ITPRID1: variants seen among roughly 807,000 people sequenced by gnomAD.
ITPRID1 encodes protein ITPRID1.
A neutral mutation model predicts 95.4 loss-of-function variants in ITPRID1; 96 were observed. The ratio of observed to expected loss-of-function variants is 1.01; its 90% CI spans 0.85 to 1.19. ITPRID1 has a LOEUF of 1.19. Among genes scored for constraint, ITPRID1 ranks in the 50% most tolerant of loss-of-function variants. ITPRID1 has a pLI of 0.00. For missense variants in ITPRID1, 1,339 were observed against 1,252.9 expected, an observed-to-expected ratio of 1.07 and a Z score of -1.04; for synonymous variants, 510 against 453.6, an observed-to-expected ratio of 1.12 and a Z score of -1.58.
intron 10 of ITPRID1, among the ~76,000 whole-genome samples, chr7:31,594,038 C>T (rs1785973647): frequency 6.6e-6 from 1 of 152,156 alleles, no homozygotes; most frequent in Admixed American, 6.5e-5. Flanking sequence ...TGGTTAATGA[C>T]AGACCACATA....
intron 4 of ITPRID1, among the ~76,000 whole-genome samples, 155 bp from the exon 5 acceptor site, chr7:31,554,703 T>C (rs556209592): frequency 6.6e-6 from 1 of 152,334 alleles, no homozygotes; most frequent in South Asian, 2.1e-4. Flanking sequence ...CAAAATAAAA[T>C]ACTACTCTAG....
chr7:31,551,608 A>C (rs1347296560), intron 2 of ITPRID1, among the ~76,000 whole-genome samples: 1 of 143,898 alleles, frequency 6.9e-6, no homozygotes, highest in Non-Finnish European at 1.6e-5. Flanking sequence ...TAGTAATTTA[A>C]AATTGCAACA....
rs149822614 is a variant in ITPRID1 at position 31,560,124 on chromosome 7, GA to G, written c.256+5225del. On this transcript the variant is annotated intron_variant, in intron 5 of 14. Transcript: ENST00000615280. ...GCTACCTGAAAGAAGTGAAGGAGGG[GA>G]ACATTTGTTATCTGGGGATGAGCTG... is the stretch of plus-strand genomic sequence containing the variant. Among the ~76,000 whole-genome samples the G allele has an allele frequency of 4.5e-4, 68 of 152,314 alleles. No homozygotes were observed. In the East Asian group the frequency reaches 0.012, roughly 27 times the overall value.
At chr7:31,565,793 G>A (rs962760896) in intron 5 of ITPRID1, among the ~76,000 whole-genome samples, 1 of 152,022 alleles carries the variant, frequency 6.6e-6, no homozygotes, top group Non-Finnish European at 1.5e-5. Context: ...TGTACATCTA[G>A]GAGGGTGAGA....
At position 31,578,267 on chromosome 7, in the gene ITPRID1, A is replaced by G. The variant is rs368169623; in HGVS notation, c.1003A>G (p.Lys335Glu). The G allele has an allele frequency of 5.6e-6, 9 of 1,613,794 alleles. No homozygotes were observed. Among genetic ancestry groups the G allele is most frequent in the Non-Finnish European group, 7.6e-6 (9 of 1,179,862 alleles). Reference sequence around the variant, plus strand: ...TTATCCTCCTCATGGTCTTCTGAGCAAGCAGTGGCCTTGCTCATCTATGCC... The same window carrying G: ...TTATCCTCCTCATGGTCTTCTGAGCGAGCAGTGGCCTTGCTCATCTATGCC... The part of the protein sequence containing the change: ...LPYPPHGLLS[K>E]QWPCSSMPAK... Residue 335 changes from lysine to glutamate, a missense_variant, in exon 9 of 15, where the codon AAG becomes GAG. Physicochemically the swap from Lys to Glu is moderately conservative, Grantham distance 56. Coordinates refer to ENST00000615280, the MANE Select transcript of ITPRID1 (RefSeq NM_001257967.3).
intron 10 of ITPRID1, among the ~76,000 whole-genome samples, chr7:31,641,615 T>C (rs1358647530): frequency 6.6e-6 from 1 of 152,202 alleles, no homozygotes; most frequent in African/African-American, 2.4e-5. Flanking sequence ...GTTTACAAAG[T>C]CATAACCTGC....
At chr7:31,581,166 G>T (rs1401764975) in intron 9 of ITPRID1, among the ~76,000 whole-genome samples, 1 of 152,138 alleles carries the variant, frequency 6.6e-6, no homozygotes, top group Non-Finnish European at 1.5e-5. Context: ...AAGAGCCAAT[G>T]TACTTAAATA....
chr7:31,537,486 A>G (rs753846139), intron 1 of ITPRID1, among the ~76,000 whole-genome samples: 23 of 152,182 alleles, frequency 1.5e-4, no homozygotes, highest in Non-Finnish European at 2.9e-4. Context: ...ACAAAAATCT[A>G]TGATTTTTTT....
chr7:31,586,642 T>A (rs938445940), intron 10 of ITPRID1, among the ~76,000 whole-genome samples: 1 of 152,242 alleles, frequency 6.6e-6, no homozygotes, highest in African/African-American at 2.4e-5. Flanking sequence ...TGTCTTCTTT[T>A]GAGAAGTGTC....
chr7:31,558,486 T>C (rs1033225099), intron 5 of ITPRID1, among the ~76,000 whole-genome samples: 4 of 152,164 alleles, frequency 2.6e-5, no homozygotes. Flanking sequence ...ACTTTTTTTT[T>C]ATGTCAGTAA....
chr7:31,630,518 A>G (rs1651402704), intron 10 of ITPRID1, among the ~76,000 whole-genome samples: 1 of 152,170 alleles, frequency 6.6e-6, no homozygotes, highest in South Asian at 2.1e-4. Context: ...TTGAACTAAT[A>G]AAGATTCTGA....
Position 31,578,119 on chromosome 7 carries a change from T to C in ITPRID1, c.855T>C (p.Val285=), listed in dbSNP as rs6945679. The change falls in exon 9 of 15, where the codon GTT becomes GTC. Residue 285 remains valine (V), a synonymous_variant. Transcript: ENST00000615280. ...TCAAGGTGAAGGATGAAGTTTTTGT[T>C]CCCTTTACAAAACCATGGGATTGTG... ...ESFKVKDEVF[V]PFTKPWDCGA... is the part of the protein sequence containing the mutation. 1,579,962 of 1,613,630 alleles carry C rather than the reference T, an allele frequency of 0.98. 773,780 individuals carry two copies. Among genetic ancestry groups the C allele is most frequent in the East Asian group, 0.99 (44,140 of 44,804 alleles).
intron 10 of ITPRID1, among the ~76,000 whole-genome samples, chr7:31,623,808 T>G (rs567013824): frequency 5.3e-4 from 80 of 152,034 alleles, no homozygotes; most frequent in Non-Finnish European, 1.1e-3. Context: ...GGGTATTCAA[T>G]TAGGAAAAGA....
chr7:31,539,660 GT>G (rs201878248), intron 1 of ITPRID1, among the ~76,000 whole-genome samples: 4 of 151,966 alleles, frequency 2.6e-5, no homozygotes, highest in African/African-American at 7.2e-5. Flanking sequence ...AGACAGGTTT[GT>G]TTTTTTTGGA....
rs372611186 is a variant in ITPRID1, at chr7:31,621,921, C to A, written c.1229-20255C>A. ...AAGGATGGAGGAAGATCTACCAAGC[C>A]AATGGAAAACAAAAAAAGGCAGGGG... On this transcript the variant is annotated intron_variant, in intron 10 of 14. Transcript: ENST00000615280. 3.8e-3 allele frequency among the ~76,000 whole-genome samples: 569 copies of A among 150,666 alleles called. 4 individuals carry two copies. Among genetic ancestry groups the A allele is most frequent in the African/African-American group, 0.012 (500 of 40,912 alleles).
chr7:31,651,015 C>T, intron 12 of ITPRID1, 127 bp from the exon 13 acceptor site: 1 of 996,378 alleles, frequency 1.0e-6, no homozygotes, highest in East Asian at 2.7e-5. Flanking sequence ...TTCCCTCCCC[C>T]TTATATTAGC....
intron 10 of ITPRID1, among the ~76,000 whole-genome samples, chr7:31,599,977 C>T (rs935104401): frequency 2.1e-4 from 32 of 152,042 alleles, no homozygotes; most frequent in African/African-American, 7.5e-4. Flanking sequence ...GGATTACAGG[C>T]GTGAGCCACC....
intron 3 of ITPRID1, among the ~76,000 whole-genome samples, chr7:31,553,505 G>A (rs1050596419): frequency 1.2e-4 from 18 of 152,134 alleles, no homozygotes; most frequent in African/African-American, 2.4e-5. Flanking sequence ...CTTCTTTCAG[G>A]TCATCAAACA....
At position 31,569,739 on chromosome 7, in the gene ITPRID1, A is replaced by C. The variant is rs2128142826; in HGVS notation, c.257-19A>C. ...ATAAAACGAAATAAAGTTCCCCTCT[A>C]CTTTTTTTGTTGTTGCAGTTTCTTT... On this transcript the variant is annotated intron_variant, in intron 5 of 14. Transcript: ENST00000615280. 1 of 1,566,056 alleles carries C rather than the reference A, an allele frequency of 6.4e-7. No individual in the cohort carries two copies. Among genetic ancestry groups the C allele is most frequent in the East Asian group, 2.3e-5 (1 of 43,148 alleles).
Sources: allele counts gnomAD v4.1 joint callset (sites outside exome capture counted in the v4.1 genomes callset), GRCh38; gene constraint gnomAD v4.1.1; transcripts MANE v1.5; gene names NCBI Gene and HGNC (gene_info 2026-07-23, HGNC 2026-07-21).